DDX46: variants seen among roughly 807,000 people sequenced by gnomAD.
DDX46 encodes the protein DEAD-box helicase 46.
DDX46 carries 30 observed loss-of-function variants against 134.9 expected under a neutral mutation model. The ratio of observed to expected loss-of-function variants is 0.22; its 90% CI spans 0.17 to 0.30. The LOEUF (loss-of-function observed/expected upper bound fraction) is 0.30. Ranked by LOEUF, DDX46 falls within the 10% of genes least tolerant of loss-of-function variation. The pLI is 1.00. For synonymous variants in DDX46, 415 were observed against 404.1 expected (o/e 1.03, Z -0.32); for missense variants, 622 against 1,248.7 (o/e 0.50, Z 7.56).
chr5:134,793,210 A>T (rs1434070006), intron 13 of DDX46, among the ~76,000 whole-genome samples: 1 of 152,146 alleles, frequency 6.6e-6, no homozygotes, highest in East Asian at 1.9e-4. Context: ...TGAGCTTCAT[A>T]GATTAAAAAA....
chr5:134,826,744 T>C lies in DDX46; in HGVS notation c.2978-203T>C, dbSNP rs1270208726. The C allele has an allele frequency of 1.0e-5, 5 of 488,396 alleles. No homozygotes were observed. The East Asian group carries it at 1.3e-4, about 13-fold the overall frequency. 30.3% of individuals were successfully genotyped at this position (488,396 alleles called of 1,614,324 possible). ...CATAATATGACCTCAGTGGTTACAT[T>C]TGAAACTCTGAAAGTAATCAAAATA... On this transcript the variant is annotated intron_variant, in intron 21 of 22. Transcript: ENST00000452510.
chr5:134,826,446 G>A (rs1031073355), intron 21 of DDX46: 3 of 152,294 alleles, frequency 2.0e-5, no homozygotes, highest in African/African-American at 7.2e-5. Context: ...CATTACGCAT[G>A]TAATTAATTT....
At position 134,759,070 on chromosome 5, in the gene DDX46, C is replaced by T. The variant is rs566822091; in HGVS notation, c.17+115C>T. ...CTGGCGCGGCCCCACGTGCGGTCAGCGCTGCCCCGCGAGCATTGGAAGGGC... is the reference window on the plus strand; with the variant it reads ...CTGGCGCGGCCCCACGTGCGGTCAGTGCTGCCCCGCGAGCATTGGAAGGGC... On this transcript the variant is annotated intron_variant, in intron 1 of 22. Coordinates refer to ENST00000452510, the MANE Select transcript of DDX46 (RefSeq NM_001300860.2). 12 of 1,476,792 alleles carry T rather than the reference C, an allele frequency of 8.1e-6. No individual in the cohort carries two copies. The East Asian group carries it at 2.3e-4, about 28-fold the overall frequency. 91.5% of individuals were successfully genotyped at this position (1,476,792 alleles called of 1,614,324 possible).
intron 7 of DDX46, 96 bp from the exon 8 acceptor site, chr5:134,781,825 C>T (rs1462626990): frequency 4.2e-6 from 5 of 1,201,354 alleles, no homozygotes; most frequent in Non-Finnish European, 5.8e-6. Flanking sequence ...AGAGTAGTTT[C>T]TAGGAGAGGA....
intron 21 of DDX46, among the ~76,000 whole-genome samples, chr5:134,820,105 A>G (rs564392386): frequency 2.6e-5 from 4 of 151,860 alleles, no homozygotes; most frequent in South Asian, 2.1e-4. Context: ...TATTTTTAGT[A>G]GAGACGGGGT....
intron 16 of DDX46, among the ~76,000 whole-genome samples, chr5:134,810,160 A>C (rs1755101591): frequency 6.6e-6 from 1 of 151,346 alleles, no homozygotes; most frequent in African/African-American, 2.4e-5. Context: ...CTATCTTTCC[A>C]CCTCTGCCTC....
In DDX46 at chr5:134,758,827, C is replaced by G; in HGVS notation, c.-112C>G. ...ATGGCCGCCACAGCTGTAGGTGCTG[C>G]TAGTGTTTAGCGCTGGTCTTTGCCG... On this transcript the variant is annotated 5_prime_UTR_variant, in exon 1 of 23. Transcript: ENST00000452510. The G allele has an allele frequency of 3.3e-6, 5 of 1,526,738 alleles. No individual in the cohort carries two copies. Among genetic ancestry groups the G allele is most frequent in the Non-Finnish European group, 4.5e-6 (5 of 1,104,482 alleles). The allele number at this position is 1,526,738 out of a possible 1,614,324, so 94.6% of individuals were successfully genotyped here.
intron 16 of DDX46, among the ~76,000 whole-genome samples, chr5:134,810,898 C>T (rs1043366610): frequency 1.3e-5 from 2 of 151,634 alleles, no homozygotes; most frequent in African/African-American, 4.8e-5. Context: ...CCCAGTTACT[C>T]GGGAGGCTGA....
At chr5:134,815,457 C>T (rs1755260618) in intron 18 of DDX46, among the ~76,000 whole-genome samples, 1 of 151,812 alleles carries the variant, frequency 6.6e-6, no homozygotes, top group Non-Finnish European at 1.5e-5. Context: ...GCCTGTAATC[C>T]CAGTGCTTTG....
intron 17 of DDX46, 97 bp from the exon 18 acceptor site, chr5:134,811,599 A>G (rs1580813618): frequency 7.4e-7 from 1 of 1,348,558 alleles, no homozygotes; most frequent in Non-Finnish European, 1.0e-6. Flanking sequence ...TTTTTATTAC[A>G]TTGACATACA....
At chr5:134,820,864 C>CTTTTTTTTTTTTTTTTT (rs1180909732) in intron 21 of DDX46, among the ~76,000 whole-genome samples, 1 of 123,228 alleles carries the variant, frequency 8.1e-6, no homozygotes, top group Non-Finnish European at 1.7e-5. Context: ...CTTTTCTTTT[C>CTTTTTTTTTTTTTTTTT]TTTTTTTTTT....
chr5:134,782,466 C>G (rs1293891328), intron 8 of DDX46, among the ~76,000 whole-genome samples: 2 of 151,770 alleles, frequency 1.3e-5, no homozygotes, highest in Non-Finnish European at 2.9e-5. Context: ...ATGGTGAAAC[C>G]CCATCTCTAC....
rs1381163286 is a variant in DDX46 at position 134,828,833 on chromosome 5, A to G, written c.*127A>G. On this transcript the variant is annotated 3_prime_UTR_variant, in exon 23 of 23. Coordinates refer to ENST00000452510, the MANE Select transcript of DDX46 (RefSeq NM_001300860.2). ...ATCTTGCTGATTTTTTTTAAATATAAGAAACTGGTACTTGGTAAAGAAATC... is the reference window on the plus strand; with the variant it reads ...ATCTTGCTGATTTTTTTTAAATATAGGAAACTGGTACTTGGTAAAGAAATC... The G allele has an allele frequency of 1.7e-6, 1 of 585,810 alleles. No individual in the cohort carries two copies. The highest frequency in any genetic ancestry group is 1.9e-5 in the African/African-American group (1 of 51,802). The allele number at this position is 585,810 out of a possible 1,614,324, so 36.3% of individuals were successfully genotyped here. A position where few individuals can be genotyped will look rare whatever the true frequency, so the allele number is the denominator to read the frequency against.
intron 4 of DDX46, 45 bp from the exon 5 acceptor site, chr5:134,773,651 G>A (rs759529545): frequency 1.3e-6 from 2 of 1,533,838 alleles, no homozygotes; most frequent in African/African-American, 1.4e-5. Context: ...ATTTGGTTTT[G>A]CTTTTTATTT....
intron 13 of DDX46, among the ~76,000 whole-genome samples, chr5:134,793,113 T>TG (rs1354694100): frequency 6.6e-6 from 1 of 152,092 alleles, no homozygotes; most frequent in African/African-American, 2.4e-5. Context: ...GCCAACATAA[T>TG]ACCTCTGCAC....
At chr5:134,828,547 G>T (rs1755649414) in intron 22 of DDX46, 112 bp from the exon 23 acceptor site, 1 of 605,156 alleles carries the variant, frequency 1.7e-6, no homozygotes, top group South Asian at 4.8e-5. Context: ...CAAAGGAAAT[G>T]ATCTTAAATA....
chr5:134,810,409 C>T (rs2150156093), intron 16 of DDX46, among the ~76,000 whole-genome samples: 1 of 151,626 alleles, frequency 6.6e-6, no homozygotes, highest in Admixed American at 6.6e-5. Context: ...CGCCATCTCA[C>T]ATGCACTGCA....
chr5:134,785,952 G>A (rs1037698539), intron 11 of DDX46, among the ~76,000 whole-genome samples: 9 of 151,840 alleles, frequency 5.9e-5, no homozygotes, highest in Admixed American at 3.9e-4. Flanking sequence ...TGGTTCAAGC[G>A]ATTCTCCTAC....
rs1363417807 is a variant in DDX46, at chr5:134,830,121, T to G, written c.*1415T>G. On this transcript the variant is annotated 3_prime_UTR_variant, in exon 23 of 23. Coordinates refer to ENST00000452510, the MANE Select transcript of DDX46 (RefSeq NM_001300860.2). ...AGTTAAATAAAGTCAGTCTTTTATA[T>G]CCAAGGGTTTCAAACCCACAGATTA... 7.0e-6 allele frequency: 1 copy of G among 143,604 alleles called. No homozygotes were observed. The highest frequency in any genetic ancestry group is 1.5e-5 in the Non-Finnish European group (1 of 66,720). The allele number at this position is 143,604 out of a possible 1,614,324, so 8.9% of individuals were successfully genotyped here.
Sources: gnomAD v4.1 joint callset for allele counts (sites outside exome capture counted in the v4.1 genomes callset) on GRCh38, gnomAD v4.1.1 for gene constraint, MANE v1.5 for transcripts, NCBI Gene and HGNC (gene_info 2026-07-23, HGNC 2026-07-21) for gene names.